Variants in TRMT11 observed in about 807,000 individuals in gnomAD.
TRMT11 encodes the protein tRNA methyltransferase 11.
Under a neutral mutation model 62.8 loss-of-function variants are expected in TRMT11, and 53 were observed. The ratio of observed to expected loss-of-function variants is 0.84; its 90% CI spans 0.68 to 1.06. The LOEUF is 1.06. Ranked by LOEUF, TRMT11 falls within the 50% of genes least tolerant of loss-of-function variation. The pLI, the probability that TRMT11 is intolerant of heterozygous loss-of-function variation, is 0.00. For synonymous variants in TRMT11, 188 were observed against 190.3 expected, an observed-to-expected ratio of 0.99 and a Z score of 0.10; for missense variants, 556 against 553.4, an observed-to-expected ratio of 1.00 and a Z score of -0.05.
chr6:126,156,926 A>G (rs1486232313), intron 21 of TRMT11, among the ~76,000 whole-genome samples: 1 of 152,178 alleles, frequency 6.6e-6, no homozygotes, highest in Non-Finnish European at 1.5e-5. Context: ...TCACTCATAC[A>G]CAGGCATCTT....
chr6:126,050,155 A>G lies in TRMT11; in HGVS notation c.*1370-2968A>G, dbSNP rs547351252. On this transcript the variant is annotated intron_variant and NMD_transcript_variant, in intron 16 of 22. Coordinates refer to the TRMT11 transcript ENST00000648977. Reference sequence around the variant, plus strand: ...ACTAGCCTGGCTAACATGATGAAACACCATCTCTACTAAAAAATACAAAAA... The same window carrying G: ...ACTAGCCTGGCTAACATGATGAAACGCCATCTCTACTAAAAAATACAAAAA... Among the ~76,000 whole-genome samples the G allele has an allele frequency of 1.3e-4, 20 of 151,820 alleles. No individual in the cohort carries two copies. In the East Asian group the frequency reaches 3.1e-3, roughly 24 times the overall value.
chr6:126,159,521 A>C (rs545504383), intron 21 of TRMT11, among the ~76,000 whole-genome samples: 1 of 152,224 alleles, frequency 6.6e-6, no homozygotes, highest in Non-Finnish European at 1.5e-5. Flanking sequence ...TGATCACTAC[A>C]TAGAGGAAAG....
At chr6:126,212,217 C>A in the TRMT11 span, among the ~76,000 whole-genome samples, 1 of 152,066 alleles carries the variant, frequency 6.6e-6, no homozygotes, top group African/African-American at 2.4e-5. Context: ...TTGTGAATAT[C>A]GCTGCAATAT....
chr6:126,118,280 C>G lies in TRMT11; in HGVS notation c.*1823+2425C>G, dbSNP rs137952119. ...GGCCCTCTCGGAAAATGATAACACT[C>G]TAAGTGGCTGTCAGTCCTTAGTCAT... On this transcript the variant is annotated intron_variant and NMD_transcript_variant, in intron 21 of 22. Coordinates refer to the TRMT11 transcript ENST00000648977. Among the ~76,000 whole-genome samples the G allele has an allele frequency of 2.3e-3, 354 of 152,246 alleles. 2 individuals carry two copies. The highest frequency in any genetic ancestry group is 8.2e-3 in the African/African-American group (339 of 41,554).
At chr6:126,102,676 A>T (rs1437021676) in intron 17 of TRMT11, among the ~76,000 whole-genome samples, 2 of 151,780 alleles carry the variant, frequency 1.3e-5, no homozygotes, top group East Asian at 3.9e-4. Flanking sequence ...AGAGGCTGAG[A>T]CTCTTACCTT....
chr6:126,051,655 A>G (rs899231952), intron 16 of TRMT11, among the ~76,000 whole-genome samples: 5 of 152,168 alleles, frequency 3.3e-5, no homozygotes, highest in Non-Finnish European at 2.9e-5. Flanking sequence ...GTGAGTGAGC[A>G]GGCAGGTCCT....
At chr6:126,065,268 CTTG>C (rs1776656137) in intron 17 of TRMT11, among the ~76,000 whole-genome samples, 1 of 152,162 alleles carries the variant, frequency 6.6e-6, no homozygotes, top group Admixed American at 6.5e-5. Context: ...GTCAAATAAT[CTTG>C]TTCTTCTATC....
intron 1 of TRMT11, among the ~76,000 whole-genome samples, chr6:126,192,102 TG>T (rs1778610280): frequency 6.6e-6 from 1 of 152,158 alleles, no homozygotes. Flanking sequence ...TTCCATATTT[TG>T]GTGTCCTCTA....
At chr6:126,033,692 C>A (rs1446767879) in intron 12 of TRMT11, among the ~76,000 whole-genome samples, 2 of 152,148 alleles carry the variant, frequency 1.3e-5, no homozygotes, top group Non-Finnish European at 2.9e-5. Flanking sequence ...ATGTTTACAG[C>A]AATCCGGGAC....
intron 17 of TRMT11, among the ~76,000 whole-genome samples, chr6:126,060,833 C>A (rs1776514957): frequency 6.6e-6 from 1 of 152,220 alleles, no homozygotes; most frequent in Non-Finnish European, 1.5e-5. Context: ...ATTTTGAGAA[C>A]ACAACATAGA....
chr6:126,007,218 T>A (rs1185729655), intron 7 of TRMT11, among the ~76,000 whole-genome samples: 2 of 151,966 alleles, frequency 1.3e-5, no homozygotes, highest in Middle Eastern at 3.2e-3. Context: ...AAAGAACTAG[T>A]CAGTTATAAT....
chr6:126,022,413 A>T (rs1262841671), intron 12 of TRMT11, among the ~76,000 whole-genome samples: 1 of 152,104 alleles, frequency 6.6e-6, no homozygotes, highest in African/African-American at 2.4e-5. Context: ...CATCTTACGG[A>T]TTATTTCATA....
intron 12 of TRMT11, among the ~76,000 whole-genome samples, chr6:126,029,294 A>G (rs1292368566): frequency 6.6e-6 from 1 of 152,200 alleles, no homozygotes; most frequent in African/African-American, 2.4e-5. Flanking sequence ...TAGTAATTAT[A>G]AAGTGAACAT....
chr6:126,130,570 T>C (rs1211687094), intron 21 of TRMT11, among the ~76,000 whole-genome samples: 2 of 104,962 alleles, frequency 1.9e-5, no homozygotes, highest in African/African-American at 9.8e-5. Context: ...GTTCCTTGTA[T>C]GTTTTACTGT....
At chr6:126,045,105 T>G (rs1036351497) in intron 16 of TRMT11, among the ~76,000 whole-genome samples, 2 of 151,960 alleles carry the variant, frequency 1.3e-5, no homozygotes, top group Admixed American at 6.6e-5. Context: ...TGAGAATTGC[T>G]TGAACCTGGG....
intron 17 of TRMT11, among the ~76,000 whole-genome samples, chr6:126,093,585 G>GTATGTATATATATATA (rs1554236807): frequency 4.3e-5 from 2 of 46,686 alleles, no homozygotes; most frequent in African/African-American, 1.9e-4. Context: ...GGATATGTAT[G>GTATGTATATATATATA]TATATATATA....
At chr6:126,246,776 T>C in the TRMT11 span, among the ~76,000 whole-genome samples, 1 of 152,012 alleles carries the variant, frequency 6.6e-6, no homozygotes, top group Non-Finnish European at 1.5e-5. Flanking sequence ...ATATATCTAT[T>C]CTCCCTCCAT....
intron 17 of TRMT11, among the ~76,000 whole-genome samples, chr6:126,070,144 A>G (rs1437402203): frequency 6.6e-6 from 1 of 152,210 alleles, no homozygotes; most frequent in Non-Finnish European, 1.5e-5. Flanking sequence ...AGAGATAAGT[A>G]TCTGGAGACA....
chr6:125,988,139 A>C (rs920404625), intron 1 of TRMT11, among the ~76,000 whole-genome samples: 7 of 152,236 alleles, frequency 4.6e-5, no homozygotes, highest in Admixed American at 1.3e-4. Context: ...GGAAGCAGGG[A>C]CAAATGGATA....
Sources: allele counts gnomAD v4.1 joint callset (sites outside exome capture counted in the v4.1 genomes callset), GRCh38; gene constraint gnomAD v4.1.1; transcripts MANE v1.5; gene names NCBI Gene and HGNC (gene_info 2026-07-23, HGNC 2026-07-21).